Variants in GSE1 observed in about 807,000 individuals in gnomAD.
GSE1 encodes the protein genetic suppressor element 1.
In GSE1, 32 loss-of-function variants were observed where a neutral mutation model predicts 112.6. The ratio of observed to expected loss-of-function variants is 0.28; its 90% CI spans 0.21 to 0.38. The LOEUF (loss-of-function observed/expected upper bound fraction) is 0.38, where lower values mean the gene tolerates loss of function less well. Among genes scored for constraint, GSE1 ranks in the 10% least tolerant of loss-of-function variants. GSE1 has a pLI of 1.00. For synonymous variants in GSE1, 1,115 were observed against 735.6 expected (o/e 1.52, Z -8.35); for missense variants, 2,348 against 1,699.2 (o/e 1.38, Z -6.71).
intron 2 of GSE1, among the ~76,000 whole-genome samples, chr16:85,395,152 G>GCT (rs1457955199): frequency 2.0e-5 from 3 of 152,156 alleles, no homozygotes; most frequent in African/African-American, 7.2e-5. Context: ...TCTGGGGCAA[G>GCT]CTGGGGTAGG....
At chr16:85,606,936 A>G (rs1320270532), upstream of GSE1, among the ~76,000 whole-genome samples, 2 of 152,178 alleles carry the variant, frequency 1.3e-5, no homozygotes, top group African/African-American at 2.4e-5. Flanking sequence ...CCCGCCATAT[A>G]AAGTTTAAAG....
At chr16:85,212,565 A>G (rs2075244476) in intron 1 of GSE1, among the ~76,000 whole-genome samples, 1 of 152,180 alleles carries the variant, frequency 6.6e-6, no homozygotes, top group Non-Finnish European at 1.5e-5. Flanking sequence ...TTTTCAGGCT[A>G]AGGAGAGAGG....
chr16:85,663,145 AGCGTCCACACCCT>A, intron 10 of GSE1, 52 bp downstream of exon 10: 9 of 1,348,968 alleles, frequency 6.7e-6, no homozygotes, highest in Non-Finnish European at 9.5e-6. Flanking sequence ...TCTCGTTCCT[AGCGTCCACACCCT>A]GCAGTCCACC....
rs77276135 is a variant in GSE1 at position 85,419,908 on chromosome 16, G to A, written c.2464+62265G>A. On this transcript the variant is annotated intron_variant, in intron 2 of 2. Coordinates refer to the GSE1 transcript ENST00000637419. This position sits in a 1 kb window ranked among gnomAD's most constrained non-coding sequence, Gnocchi z 6.5. ...GGGTCAGAGTCGGGGGGACTGGGCTGGAACAGAACTGAGGGACAGCAGGGG... is the reference window on the plus strand; with the variant it reads ...GGGTCAGAGTCGGGGGGACTGGGCTAGAACAGAACTGAGGGACAGCAGGGG... Among the ~76,000 whole-genome samples the A allele has an allele frequency of 0.057, 8,630 of 152,290 alleles. 339 individuals carry two copies. The highest frequency in any genetic ancestry group is 0.11 in the South Asian group (523 of 4,822).
At chr16:85,556,214 T>G (rs2045204157) in exon 1 of GSE1, 4 of 985,170 alleles carry the variant, frequency 4.1e-6, no homozygotes, top group Non-Finnish European at 4.8e-6. Context: ...TTTTATTGTT[T>G]TGGACATTTT....
chr16:85,497,148 C>T (rs1264368685), intron 2 of GSE1, among the ~76,000 whole-genome samples: 1 of 152,238 alleles, frequency 6.6e-6, no homozygotes, highest in Non-Finnish European at 1.5e-5. Flanking sequence ...ATCCACCCGC[C>T]TCAGCCTCCC....
Position 85,400,940 on chromosome 16 carries a change from A to C in GSE1, c.2464+43297A>C, listed in dbSNP as rs184194748. Among the ~76,000 whole-genome samples, 6 of 152,156 alleles carry C rather than the reference A, an allele frequency of 3.9e-5. No individual in the cohort carries two copies. In the East Asian group the frequency reaches 1.2e-3, roughly 29 times the overall value. ...GCGGAAGGGGTCATAATGGAGACCT[A>C]GCTTTGACCTTGCGCATCTGTGTGT... On this transcript the variant is annotated intron_variant, in intron 2 of 2. Transcript: ENST00000637419.
chr16:85,640,789 G>T (rs1159558446), intron 2 of GSE1, among the ~76,000 whole-genome samples: 2 of 152,268 alleles, frequency 1.3e-5, no homozygotes, highest in Non-Finnish European at 2.9e-5. Context: ...CGCCTCGCGT[G>T]GGTGTCAGTC....
intron 1 of GSE1, among the ~76,000 whole-genome samples, chr16:85,173,276 C>G (rs982921077): frequency 6.6e-6 from 1 of 152,194 alleles, no homozygotes; most frequent in Non-Finnish European, 1.5e-5. Context: ...AACACTCAGT[C>G]AGTAGGTATC....
chr16:85,424,596 C>T (rs973768922), intron 2 of GSE1, among the ~76,000 whole-genome samples: 2 of 152,256 alleles, frequency 1.3e-5, no homozygotes, highest in Non-Finnish European at 2.9e-5. Flanking sequence ...CTCTCCCAGC[C>T]CGCCAGGATC....
chr16:85,656,025 C>A, intron 6 of GSE1, 108 bp downstream of exon 6: 1 of 866,040 alleles, frequency 1.2e-6, no homozygotes, highest in Non-Finnish European at 1.8e-6. Context: ...CCATGCCTGT[C>A]CTCACAGTTT....
chr16:85,625,633 G>A (rs2049018578), intron 1 of GSE1, among the ~76,000 whole-genome samples: 1 of 152,192 alleles, frequency 6.6e-6, no homozygotes, highest in Non-Finnish European at 1.5e-5. Context: ...TCCCAGCATG[G>A]CAGTGAGCAA....
At chr16:85,387,041 G>T (rs2047703352) in intron 2 of GSE1, among the ~76,000 whole-genome samples, 1 of 152,198 alleles carries the variant, frequency 6.6e-6, no homozygotes, top group Non-Finnish European at 1.5e-5. Context: ...TGAACGTGAG[G>T]TTCTCAGAAA....
intron 2 of GSE1, among the ~76,000 whole-genome samples, chr16:85,507,119 C>T (rs1261006149): frequency 6.6e-6 from 1 of 152,200 alleles, no homozygotes; most frequent in Non-Finnish European, 1.5e-5. Flanking sequence ...TGAGAAGATC[C>T]ATCAGCGGGC....
intron 2 of GSE1, among the ~76,000 whole-genome samples, chr16:85,505,620 C>T (rs1451593200): frequency 2.0e-5 from 3 of 152,122 alleles, no homozygotes; most frequent in Admixed American, 1.3e-4. Context: ...TTGGGAGTGC[C>T]GGCGGGGGGC....
upstream of GSE1, chr16:85,611,429 T>C (rs375671352): frequency 6.2e-3 from 6,097 of 981,784 alleles, 49 homozygotes; most frequent in South Asian, 0.037. Flanking sequence ...GCGTAAATTA[T>C]AGCGTCCGGC....
intron 1 of GSE1, among the ~76,000 whole-genome samples, chr16:85,209,185 C>G (rs1329629393): frequency 6.6e-6 from 1 of 152,170 alleles, no homozygotes; most frequent in Non-Finnish European, 1.5e-5. Context: ...CCCTGGCCTG[C>G]AGAAGCTGCG....
intron 1 of GSE1, among the ~76,000 whole-genome samples, chr16:85,301,458 CCCTCA>C: frequency 6.6e-6 from 1 of 152,312 alleles, no homozygotes; most frequent in Middle Eastern, 3.4e-3. Flanking sequence ...CAGGCTCCTG[CCCTCA>C]CCTGTGCAAG....
intron 1 of GSE1, among the ~76,000 whole-genome samples, chr16:85,565,703 C>T (rs2045718571): frequency 1.3e-5 from 2 of 152,160 alleles, no homozygotes; most frequent in South Asian, 4.1e-4. Flanking sequence ...CAGGCCTGAC[C>T]CCTTCACCTG....
Sources: gnomAD v4.1 joint callset for allele counts (sites outside exome capture counted in the v4.1 genomes callset) on GRCh38, gnomAD v4.1.1 for gene constraint, Gnocchi (gnomAD v3.1) non-coding constraint, MANE v1.5 for transcripts, NCBI Gene and HGNC (gene_info 2026-07-23, HGNC 2026-07-21) for gene names.